RESF1: variants seen among roughly 807,000 people sequenced by gnomAD.
RESF1 encodes the protein retroelement silencing factor 1, also known as gonad expressed transcript.
In RESF1, 65 loss-of-function variants were observed where a neutral mutation model predicts 134.7. That is an observed-to-expected ratio of 0.48 (90% CI 0.40 to 0.59). RESF1 has a LOEUF of 0.59. RESF1 is among the 20% of genes least tolerant of loss of function. The pLI is 0.00. For synonymous variants in RESF1, 762 were observed against 702.2 expected (o/e 1.09, Z -1.35); for missense variants, 2,274 against 2,002.7 (o/e 1.14, Z -2.59).
intron 2 of RESF1, among the ~76,000 whole-genome samples, chr12:31,968,699 C>T (rs1275106516): frequency 5.9e-5 from 9 of 152,124 alleles, no homozygotes; most frequent in African/African-American, 9.7e-5. Context: ...CCGCCCGCCT[C>T]TGCCTCCCAA....
intron 4 of RESF1, among the ~76,000 whole-genome samples, chr12:31,986,325 T>A (rs2120892166): frequency 6.6e-6 from 1 of 152,316 alleles, no homozygotes; most frequent in East Asian, 1.9e-4. Context: ...TTTTGTTAAT[T>A]CTCCTTTGGA....
At chr12:31,980,799 G>T in intron 3 of RESF1, 79 bp from the exon 4 acceptor site, 1 of 580,546 alleles carries the variant, frequency 1.7e-6, no homozygotes. Context: ...TAATTAGGAT[G>T]GACAGTCAGC....
chr12:31,981,251 A>G lies in RESF1; in HGVS notation c.296A>G (p.Asn99Ser). 1 of 1,614,194 alleles carries G rather than the reference A, an allele frequency of 6.2e-7. No individual in the cohort carries two copies. The highest frequency in any genetic ancestry group is 1.6e-4 in the Middle Eastern group (1 of 6,062). ...SVERITYANV[N>S]GPKQLTHNLQ... The stretch of plus-strand genomic sequence containing the variant: ...GAAAGAATAACATATGCAAATGTTA[A>G]TGGACCCAAACAACTAACTCACAAT... The change falls in exon 4 of 6, where the codon AAT (asparagine) becomes AGT (serine). Residue 99 changes from asparagine to serine, a missense_variant. Transcript: ENST00000312561.
At chr12:31,977,028 TC>T (rs1015110929) in intron 3 of RESF1, among the ~76,000 whole-genome samples, 3 of 152,192 alleles carry the variant, frequency 2.0e-5, no homozygotes, top group African/African-American at 7.2e-5. Flanking sequence ...AATATAATCT[TC>T]TAGAGAGTGA....
chr12:31,968,687 A>T (rs1939449489), intron 2 of RESF1, among the ~76,000 whole-genome samples: 1 of 151,990 alleles, frequency 6.6e-6, no homozygotes, highest in South Asian at 2.1e-4. Context: ...TGACCTCGTG[A>T]TCCGCCCGCC....
At chr12:31,965,470 C>T (rs1939379148) in intron 2 of RESF1, among the ~76,000 whole-genome samples, 1 of 152,096 alleles carries the variant, frequency 6.6e-6, no homozygotes, top group South Asian at 2.1e-4. Context: ...CCACTGCTGC[C>T]CCCGCTCCCA....
intron 3 of RESF1, among the ~76,000 whole-genome samples, chr12:31,972,295 G>T (rs1322007058): frequency 6.6e-6 from 1 of 152,020 alleles, no homozygotes; most frequent in Non-Finnish European, 1.5e-5. Flanking sequence ...CTGGGACTTG[G>T]TGTTGGCATC....
chr12:31,978,607 G>A (rs1400805079), intron 3 of RESF1, among the ~76,000 whole-genome samples: 10 of 151,504 alleles, frequency 6.6e-5, no homozygotes, highest in Non-Finnish European at 8.8e-5. Flanking sequence ...GTGTAGTGGC[G>A]CAATCTCAGC....
intron 5 of RESF1, among the ~76,000 whole-genome samples, chr12:31,991,210 A>AAAAC (rs397815599): frequency 1.3e-5 from 2 of 151,372 alleles, no homozygotes; most frequent in Non-Finnish European, 2.9e-5. Context: ...AAAAAAAAAA[A>AAAAC]CCCACAGGAG....
At position 31,987,283 on chromosome 12, in the gene RESF1, G is replaced by C. The variant is rs2120895579; in HGVS notation, c.5047G>C (p.Ala1683Pro). Residue 1683 changes from alanine (A) to proline (P), a missense_variant, in exon 5 of 6, where the codon GCT becomes CCT. Physicochemically the swap from Ala to Pro is conservative, Grantham distance 27 (BLOSUM62 -1). Coordinates refer to ENST00000312561, the MANE Select transcript of RESF1 (RefSeq NM_018169.4). ...STKEDWLKFV[A>P]TKKRTQKDSQ... is the part of the protein sequence containing the mutation. ...AAAAGAAGACTGGTTAAAATTTGTT[G>C]CTACAAAGAAAAGGACACAGAAAGA... is the stretch of plus-strand genomic sequence containing the variant. 6.2e-7 allele frequency: 1 copy of C among 1,602,994 alleles called. No individual in the cohort carries two copies. Among genetic ancestry groups the C allele is most frequent in the African/African-American group, 1.3e-5 (1 of 74,644 alleles).
intron 3 of RESF1, among the ~76,000 whole-genome samples, chr12:31,973,568 C>CT (rs1939562013): frequency 6.6e-6 from 1 of 152,002 alleles, no homozygotes; most frequent in Non-Finnish European, 1.5e-5. Context: ...CTTTCACAGT[C>CT]TATTTGTGTA....
At chr12:31,965,052 C>T (rs935991352) in intron 2 of RESF1, among the ~76,000 whole-genome samples, 1 of 152,108 alleles carries the variant, frequency 6.6e-6, no homozygotes, top group Non-Finnish European at 1.5e-5. Context: ...ACTGTAACCT[C>T]CGCTTCCGAT....
chr12:31,983,627 A>G lies in RESF1; in HGVS notation c.2672A>G (p.Gln891Arg). ...NSTVVSSDTL[Q>R]IDNICSLVEG... Reference sequence around the variant, plus strand: ...ACTGTTGTGAGTAGTGATACATTACAGATTGACAATATTTGTTCTCTGGTT... The same window carrying G: ...ACTGTTGTGAGTAGTGATACATTACGGATTGACAATATTTGTTCTCTGGTT... The change falls in exon 4 of 6, where the codon CAG becomes CGG. Residue 891 changes from glutamine (Q) to arginine (R), a missense_variant. By Grantham distance (43) the Gln-to-Arg change is conservative (BLOSUM62 1). Transcript: ENST00000312561. The G allele has an allele frequency of 6.2e-7, 1 of 1,614,144 alleles. No individual in the cohort carries two copies. Among genetic ancestry groups the G allele is most frequent in the Non-Finnish European group, 8.5e-7 (1 of 1,179,992 alleles).
chr12:31,984,601 A>G lies in RESF1; in HGVS notation c.3646A>G (p.Lys1216Glu). The change falls in exon 4 of 6, where the codon AAA becomes GAA. Residue 1216 changes from lysine (K) to glutamate (E), a missense_variant. Coordinates refer to ENST00000312561, the MANE Select transcript of RESF1 (RefSeq NM_018169.4). ...QCSPLDTNSC[K>E]QGERTSDRDV... Reference sequence around the variant, plus strand: ...TTCTCCTTTGGATACCAACAGTTGTAAACAAGGAGAGAGAACTTCTGATAG... The same window carrying G: ...TTCTCCTTTGGATACCAACAGTTGTGAACAAGGAGAGAGAACTTCTGATAG... The G allele has an allele frequency of 1.3e-6, 2 of 1,578,330 alleles. No individual in the cohort carries two copies. The highest frequency in any genetic ancestry group is 1.7e-6 in the Non-Finnish European group (2 of 1,167,004).
Position 31,981,767 on chromosome 12 carries a change from C to T in RESF1, c.812C>T (p.Thr271Met), listed in dbSNP as rs748208056. ...GCTGTACCATCACAGCAGTATGCCA[C>T]GCAAACTGACAAAAGACCTCCTCCT... is the stretch of plus-strand genomic sequence containing the variant. Reference protein sequence around the residue: ...TSAVPSQQYATQTDKRPPPPP... With the variant: ...TSAVPSQQYAMQTDKRPPPPP... The change falls in exon 4 of 6, where the codon ACG becomes ATG. Residue 271 changes from threonine to methionine, a missense_variant. Thr to Met is a moderately conservative substitution (Grantham distance 81, BLOSUM62 -1). Coordinates refer to ENST00000312561, the MANE Select transcript of RESF1 (RefSeq NM_018169.4). The T allele has an allele frequency of 2.6e-5, 42 of 1,613,752 alleles. No homozygotes were observed. In the East Asian group the frequency reaches 3.6e-4, roughly 14 times the overall value.
chr12:31,974,122 A>T (rs925770182), intron 3 of RESF1, among the ~76,000 whole-genome samples: 1 of 151,744 alleles, frequency 6.6e-6, no homozygotes, highest in Non-Finnish European at 1.5e-5. Context: ...GAAGAGATGC[A>T]TGGGGGAATG....
chr12:31,984,668 CAA>C lies in RESF1; in HGVS notation c.3715_3716del (p.Lys1239AspfsTer11), dbSNP rs1939916162. ...CAATTTAAGAGCCTTGTAAATAATC[CAA>C]AGACTCCTCCAGATGGGAAAAGTCA... On this transcript the variant is annotated frameshift_variant, in exon 4 of 6. Transcript: ENST00000312561. LOFTEE classifies it high-confidence loss of function. The C allele has an allele frequency of 6.3e-7, 1 of 1,582,726 alleles. No individual in the cohort carries two copies. The highest frequency in any genetic ancestry group is 8.5e-7 in the Non-Finnish European group (1 of 1,171,492).
At chr12:31,991,253 C>G (rs1036864626) in intron 5 of RESF1, among the ~76,000 whole-genome samples, 13 of 150,704 alleles carry the variant, frequency 8.6e-5, no homozygotes, top group African/African-American at 3.2e-4. Context: ...GCAAAGGTTG[C>G]AGCAAACTTG....
In RESF1 at chr12:31,985,929, T is replaced by C. The variant is rs1352069842; in HGVS notation, c.4974T>C (p.His1658=). The C allele has an allele frequency of 6.7e-7, 1 of 1,497,018 alleles. No individual in the cohort carries two copies. The highest frequency in any genetic ancestry group is 8.8e-7 in the Non-Finnish European group (1 of 1,129,954). The allele number at this position is 1,497,018 out of a possible 1,614,324, so 92.7% of individuals were successfully genotyped here. A position where few individuals can be genotyped will look rare whatever the true frequency, so the allele number is the denominator to read the frequency against. ...SVEERKDVKP[H]PRKEQAPLQV... ...AAGAACGGAAGGATGTAAAGCCTCA[T>C]CCTAGGAAGGAGCAAGCCCCTCTGC... Residue 1658 remains histidine (H), a synonymous_variant, in exon 4 of 6, where the codon CAT becomes CAC. Transcript: ENST00000312561.
Sources: gnomAD v4.1 joint callset for allele counts (sites outside exome capture counted in the v4.1 genomes callset) on GRCh38, gnomAD v4.1.1 for gene constraint, MANE v1.5 for transcripts, NCBI Gene and HGNC (gene_info 2026-07-23, HGNC 2026-07-21) for gene names.